Variants in CTIF observed in about 807,000 individuals in gnomAD.
CTIF encodes the protein CBP80/20-dependent translation initiation factor.
A neutral mutation model predicts 66.0 loss-of-function variants in CTIF; 21 were observed. The ratio of observed to expected loss-of-function variants is 0.32; its 90% CI spans 0.23 to 0.46. CTIF has a LOEUF of 0.46. Ranked by LOEUF, CTIF falls within the 20% of genes least tolerant of loss-of-function variation. The probability of loss-of-function intolerance (pLI) is 1.00; values close to 1 mark genes in which losing one functional copy is unlikely to be tolerated. For missense variants in CTIF, 739 were observed against 812.7 expected (o/e 0.91, Z 1.10); for synonymous variants, 345 against 326.4 (o/e 1.06, Z -0.62).
At chr18:48,777,208 T>C (rs938439299) in intron 9 of CTIF, among the ~76,000 whole-genome samples, 4 of 152,224 alleles carry the variant, frequency 2.6e-5, no homozygotes, top group African/African-American at 9.6e-5. Flanking sequence ...GCTTGGCTTG[T>C]GTGTGCTGGC....
chr18:48,732,131 T>A (rs923741827), intron 7 of CTIF, among the ~76,000 whole-genome samples: 1 of 152,216 alleles, frequency 6.6e-6, no homozygotes, highest in Admixed American at 6.5e-5. Context: ...TGCATTCACC[T>A]GGCCGCCGGG....
At chr18:48,788,824 C>G (rs1271544561) in intron 9 of CTIF, among the ~76,000 whole-genome samples, 1 of 152,162 alleles carries the variant, frequency 6.6e-6, no homozygotes, top group Non-Finnish European at 1.5e-5. Flanking sequence ...TGGGTGTGAA[C>G]TCATCACCGG....
chr18:48,811,473 C>T (rs2068256785), intron 9 of CTIF, among the ~76,000 whole-genome samples: 1 of 152,090 alleles, frequency 6.6e-6, no homozygotes, highest in Non-Finnish European at 1.5e-5. Flanking sequence ...GTGTACAGTT[C>T]AATAGTGTAG....
At position 48,817,391 on chromosome 18, in the gene CTIF, G is replaced by A. The variant is rs762891370; in HGVS notation, c.1527+15G>A. The A allele has an allele frequency of 6.9e-5, 111 of 1,602,142 alleles. No individual in the cohort carries two copies. In the East Asian group the frequency reaches 1.3e-3, roughly 19 times the overall value. The stretch of plus-strand genomic sequence containing the variant: ...GCCTCAGGGAGGTAAGAGACCTGCC[G>A]CCTGTGCCCCCTGCACAGCCAGACA... On this transcript the variant is annotated intron_variant, in intron 10 of 11. Transcript: ENST00000256413.
intron 9 of CTIF, among the ~76,000 whole-genome samples, chr18:48,807,623 C>T (rs1422821588): frequency 6.7e-6 from 1 of 149,426 alleles, no homozygotes; most frequent in Non-Finnish European, 1.5e-5. Flanking sequence ...CTCTGTTGCC[C>T]AGGCTGGAGT....
Position 48,720,050 on chromosome 18 carries a change from G to A in CTIF, c.584+8355G>A, listed in dbSNP as rs140544990. 1.7e-3 allele frequency among the ~76,000 whole-genome samples: 254 copies of A among 152,304 alleles called. 2 individuals carry two copies. Among genetic ancestry groups the A allele is most frequent in the Middle Eastern group, 0.01 (3 of 294 alleles). On this transcript the variant is annotated intron_variant, in intron 7 of 11. Transcript: ENST00000256413. ...CAGAGGCTTGCAGGAACCAAACCCC[G>A]CATTTCCCCTAGGAGTAATAGTTCA...
chr18:48,546,623 C>T (rs1489857322), intron 1 of CTIF, among the ~76,000 whole-genome samples: 2 of 152,032 alleles, frequency 1.3e-5, no homozygotes, highest in African/African-American at 4.8e-5. Context: ...TCGTCTAGGC[C>T]TGGGGGTTGG....
intron 7 of CTIF, among the ~76,000 whole-genome samples, chr18:48,741,127 A>G (rs2092549155): frequency 6.6e-6 from 1 of 152,240 alleles, no homozygotes; most frequent in African/African-American, 2.4e-5. Flanking sequence ...GTCATTCATT[A>G]TCATGGTGGT....
intron 10 of CTIF, among the ~76,000 whole-genome samples, chr18:48,832,548 A>C (rs916803577): frequency 1.3e-5 from 2 of 152,158 alleles, no homozygotes; most frequent in Non-Finnish European, 2.9e-5. Context: ...ATAGGGACAC[A>C]GTGCTGGGCA....
intron 10 of CTIF, among the ~76,000 whole-genome samples, chr18:48,837,253 C>A (rs933303808): frequency 6.6e-6 from 1 of 152,160 alleles, no homozygotes; most frequent in Admixed American, 6.5e-5. Context: ...GAGAGCCCCT[C>A]CCTAGAGCAA....
intron 10 of CTIF, among the ~76,000 whole-genome samples, chr18:48,829,927 A>G (rs1227204813): frequency 6.6e-6 from 1 of 152,156 alleles, no homozygotes; most frequent in Non-Finnish European, 1.5e-5. Context: ...GTCCACCTCA[A>G]GACCAAGCCA....
At chr18:48,806,158 A>C (rs2068142782) in intron 9 of CTIF, among the ~76,000 whole-genome samples, 1 of 152,240 alleles carries the variant, frequency 6.6e-6, no homozygotes, top group Non-Finnish European at 1.5e-5. Flanking sequence ...AGGTGAAAGA[A>C]GGAAAGTTGG....
intron 9 of CTIF, among the ~76,000 whole-genome samples, chr18:48,776,393 C>T (rs1181318893): frequency 6.6e-6 from 1 of 152,236 alleles, no homozygotes; most frequent in Non-Finnish European, 1.5e-5. Flanking sequence ...AGGAGCTCTG[C>T]AGGAGCCAGA....
At chr18:48,578,239 G>C (rs1182779694) in intron 1 of CTIF, among the ~76,000 whole-genome samples, 1 of 152,026 alleles carries the variant, frequency 6.6e-6, no homozygotes, top group East Asian at 1.9e-4. Context: ...TGGAGCTTTG[G>C]GGGTTGTTTC....
chr18:48,674,114 C>T (rs1598845290), intron 6 of CTIF, among the ~76,000 whole-genome samples: 1 of 152,240 alleles, frequency 6.6e-6, no homozygotes, highest in African/African-American at 2.4e-5. Flanking sequence ...CTTAACTCAT[C>T]TTCATGGACA....
Position 48,798,518 on chromosome 18 carries a change from G to C in CTIF, c.1372-18703G>C, listed in dbSNP as rs201215969. On this transcript the variant is annotated intron_variant, in intron 9 of 11. Transcript: ENST00000256413. Reference sequence around the variant, plus strand: ...TGTCTGCACTTGCTACTGAGTGTGTGTTAAGTTAGCACAGTACTGAGTTCC... The same window carrying C: ...TGTCTGCACTTGCTACTGAGTGTGTCTTAAGTTAGCACAGTACTGAGTTCC... Among the ~76,000 whole-genome samples the C allele has an allele frequency of 2.6e-5, 4 of 152,348 alleles. No homozygotes were observed. In the South Asian group the frequency reaches 6.2e-4, roughly 24 times the overall value.
chr18:48,578,670 G>T (rs2089588248), intron 1 of CTIF, among the ~76,000 whole-genome samples: 1 of 152,156 alleles, frequency 6.6e-6, no homozygotes, highest in Admixed American at 6.5e-5. Context: ...TCTATCAATT[G>T]TTTGCCCAAC....
chr18:48,784,887 A>G (rs1329014033), intron 9 of CTIF, among the ~76,000 whole-genome samples: 1 of 152,216 alleles, frequency 6.6e-6, no homozygotes, highest in Non-Finnish European at 1.5e-5. Context: ...CCTCTCACAC[A>G]TGCTGGAGGA....
At chr18:48,730,300 A>AGGGGCCTCCGC (rs2092429982) in intron 7 of CTIF, among the ~76,000 whole-genome samples, 1 of 65,708 alleles carries the variant, frequency 1.5e-5, no homozygotes, top group Admixed American at 1.5e-4. Flanking sequence ...GGGGCCCCTG[A>AGGGGCCTCCGC]GGTGTGAGGG....
Sources: gnomAD v4.1 joint callset for allele counts (sites outside exome capture counted in the v4.1 genomes callset) on GRCh38, gnomAD v4.1.1 for gene constraint, MANE v1.5 for transcripts, NCBI Gene and HGNC (gene_info 2026-07-23, HGNC 2026-07-21) for gene names.